PBRM1: variants seen among roughly 807,000 people sequenced by gnomAD.
PBRM1 encodes the protein polybromo 1.
Under a neutral mutation model 194.5 loss-of-function variants are expected in PBRM1, and 27 were observed. That is an observed-to-expected ratio of 0.14 (90% confidence interval 0.10 to 0.19). PBRM1 has a LOEUF of 0.19. Ranked by LOEUF, PBRM1 falls within the 10% of genes least tolerant of loss-of-function variation. The probability of loss-of-function intolerance (pLI) is 1.00; values close to 1 mark genes in which losing one functional copy is unlikely to be tolerated. For synonymous variants in PBRM1, 655 were observed against 693.2 expected (o/e 0.94, Z 0.87); for missense variants, 1,466 against 2,077.2 (o/e 0.71, Z 5.72).
intron 13 of PBRM1, 33 bp from the exon 15 acceptor site, chr3:52,624,974 G>A: frequency 6.7e-7 from 1 of 1,493,362 alleles, no homozygotes; most frequent in Non-Finnish European, 9.1e-7. Context: ...TACATGTAAA[G>A]AGAAACAAAA....
chr3:52,672,889 T>G (rs1191073446), intron 2 of PBRM1, among the ~76,000 whole-genome samples: 1 of 152,210 alleles, frequency 6.6e-6, no homozygotes, highest in African/African-American at 2.4e-5. Context: ...TAGGAAGTTG[T>G]GTGCAAGATG....
intron 1 of PBRM1, 120 bp downstream of exon 2, chr3:52,679,454 T>C (rs751347730): frequency 2.2e-5 from 18 of 833,358 alleles, no homozygotes; most frequent in Non-Finnish European, 3.1e-5. Context: ...GAAAAGACTA[T>C]TAATCAAGAG....
rs765903045 is a variant in PBRM1, at chr3:52,662,114, G to C, written c.528+19C>G. On this transcript the variant is annotated intron_variant, in intron 4 of 29. Coordinates refer to ENST00000296302, the Ensembl canonical transcript of PBRM1. The stretch of plus-strand genomic sequence containing the variant: ...CCTTCCAAGAGCCCATCCATCACAA[G>C]TTCCAGCTACACACTTACTCCTTCA... 4.0e-5 allele frequency: 64 copies of C among 1,611,646 alleles called. No homozygotes were observed. The highest frequency in any genetic ancestry group is 1.5e-4 in the Admixed American group (9 of 59,566).
chr3:52,683,056 G>T (rs2097235866), upstream of PBRM1, among the ~76,000 whole-genome samples: 1 of 151,602 alleles, frequency 6.6e-6, no homozygotes, highest in Non-Finnish European at 1.5e-5. Context: ...AAAAAAAATT[G>T]GCTGGGCTTG....
intron 13 of PBRM1, among the ~76,000 whole-genome samples, 186 bp from the exon 15 acceptor site, chr3:52,625,127 G>T (rs2095406939): frequency 1.3e-5 from 2 of 152,108 alleles, no homozygotes; most frequent in African/African-American, 4.8e-5. Context: ...AGAATGAAGA[G>T]AATATACCCA....
At chr3:52,567,647 T>C (rs993373248) in intron 22 of PBRM1, among the ~76,000 whole-genome samples, 6 of 150,744 alleles carry the variant, frequency 4.0e-5, no homozygotes, top group African/African-American at 1.5e-4. Context: ...TTAACTAGCA[T>C]TTCTCTAATG....
exon 6 of PBRM1, chr3:52,651,802 T>C (rs1011363569): frequency 6.3e-7 from 1 of 1,599,876 alleles, no homozygotes; most frequent in Non-Finnish European, 8.5e-7. Context: ...CATAATAATC[T>C]GGATATTGCT....
At chr3:52,684,160 C>T (rs1401805452), upstream of PBRM1, among the ~76,000 whole-genome samples, 1 of 88,010 alleles carries the variant, frequency 1.1e-5, no homozygotes, top group Non-Finnish European at 2.1e-5. Flanking sequence ...AAAGTCAGAC[C>T]TTGTCTCAAA....
chr3:52,620,802 TTAAG>T (rs2095243920), intron 13 of PBRM1, among the ~76,000 whole-genome samples: 1 of 152,236 alleles, frequency 6.6e-6, no homozygotes, highest in Non-Finnish European at 1.5e-5. Context: ...CATTTATTCC[TTAAG>T]TAAAGGATGT....
intron 13 of PBRM1, among the ~76,000 whole-genome samples, chr3:52,624,333 T>C (rs1454610267): frequency 3.3e-5 from 5 of 152,226 alleles, no homozygotes; most frequent in Non-Finnish European, 7.3e-5. Flanking sequence ...ACGGCAAATG[T>C]GAAAACAAAA....
chr3:52,560,291 C>T (rs927371268), intron 25 of PBRM1, among the ~76,000 whole-genome samples: 1 of 152,204 alleles, frequency 6.6e-6, no homozygotes, highest in African/African-American at 2.4e-5. Context: ...CTGTGCTGCT[C>T]GCTCAGCAAT....
chr3:52,649,435 C>A (rs2096427757), intron 6 of PBRM1, among the ~76,000 whole-genome samples: 1 of 152,160 alleles, frequency 6.6e-6, no homozygotes, highest in Admixed American at 6.6e-5. Flanking sequence ...AGCAGTAGAG[C>A]AGCAAGTATC....
At chr3:52,645,515 T>G (rs1577441626) in intron 7 of PBRM1, among the ~76,000 whole-genome samples, 1 of 151,856 alleles carries the variant, frequency 6.6e-6, no homozygotes, top group Non-Finnish European at 1.5e-5. Context: ...CCTTTTTTTT[T>G]TTTTTTTCCT....
At chr3:52,566,620 C>T (rs2085301894) in intron 22 of PBRM1, among the ~76,000 whole-genome samples, 1 of 151,574 alleles carries the variant, frequency 6.6e-6, no homozygotes, top group Non-Finnish European at 1.5e-5. Flanking sequence ...AATTCATGAA[C>T]AAAAAAAGTA....
At chr3:52,569,413 T>C (rs1303800646) in intron 22 of PBRM1, among the ~76,000 whole-genome samples, 5 of 152,286 alleles carry the variant, frequency 3.3e-5, no homozygotes, top group South Asian at 2.1e-4. Flanking sequence ...GGTTTCACCA[T>C]GTTAATGAGG....
intron 20 of PBRM1, among the ~76,000 whole-genome samples, chr3:52,584,449 G>GTTTTTTTT (rs2092000766): frequency 5.0e-5 from 4 of 80,790 alleles, no homozygotes; most frequent in African/African-American, 2.5e-4. Context: ...AAGTATTCTT[G>GTTTTTTTT]CTTTTTTTTT....
intron 2 of PBRM1, among the ~76,000 whole-genome samples, chr3:52,674,343 T>C (rs1012166095): frequency 2.0e-5 from 3 of 150,594 alleles, no homozygotes; most frequent in African/African-American, 7.3e-5. Flanking sequence ...TAGCTGGGCG[T>C]GGTGGCCCAT....
At chr3:52,575,793 C>CA (rs1201140800) in intron 22 of PBRM1, among the ~76,000 whole-genome samples, 1 of 151,284 alleles carries the variant, frequency 6.6e-6, no homozygotes, top group Non-Finnish European at 1.5e-5. Context: ...GGATTACAGG[C>CA]ATGAGCCACC....
At position 52,628,877 on chromosome 3, in the gene PBRM1, A is replaced by G; in HGVS notation, c.1443+17T>C. ...AATCATATATACAACAAACTCAGCA[A>G]AAACAATAAATCACACCTGCATAAC... On this transcript the variant is annotated intron_variant, in intron 12 of 29. Coordinates refer to ENST00000296302, the Ensembl canonical transcript of PBRM1. 3.7e-6 allele frequency: 6 copies of G among 1,612,636 alleles called. No homozygotes were observed. The highest frequency in any genetic ancestry group is 1.6e-4 in the Middle Eastern group (1 of 6,062).
Sources: allele counts gnomAD v4.1 joint callset (sites outside exome capture counted in the v4.1 genomes callset), GRCh38; gene constraint gnomAD v4.1.1; transcripts MANE v1.5; gene names NCBI Gene and HGNC (gene_info 2026-07-23, HGNC 2026-07-21).